Variants in CDKL4 observed in about 807,000 individuals in gnomAD.
CDKL4 encodes the protein cyclin dependent kinase like 4, also known as cyclin-dependent kinase-like 4.
CDKL4 carries 44 observed loss-of-function variants against 42.0 expected under a neutral mutation model. The ratio of observed to expected loss-of-function variants is 1.05; its 90% CI spans 0.82 to 1.35. The LOEUF (loss-of-function observed/expected upper bound fraction) is 1.35, where lower values mean the gene tolerates loss of function less well. Ranked by LOEUF, CDKL4 falls within the 40% of genes most tolerant of loss-of-function variation. The pLI, the probability that CDKL4 is intolerant of heterozygous loss-of-function variation, is 0.00. For missense variants in CDKL4, 393 were observed against 369.9 expected (o/e 1.06, Z -0.51); for synonymous variants, 120 against 121.6 (o/e 0.99, Z 0.09).
chr2:39,201,242 G>T (rs778289156), intron 5 of CDKL4, among the ~76,000 whole-genome samples: 3 of 150,462 alleles, frequency 2.0e-5, no homozygotes, highest in Non-Finnish European at 3.0e-5. Flanking sequence ...TCAGGGAAAC[G>T]CAAATCAAAA....
At chr2:39,242,044 C>CTTT (rs74579526) in intron 1 of CDKL4, among the ~76,000 whole-genome samples, 1 of 141,218 alleles carries the variant, frequency 7.1e-6, no homozygotes, top group Non-Finnish European at 1.6e-5. Flanking sequence ...TTTCTTTTTC[C>CTTT]TTTTTTTTTT....
Position 39,204,596 on chromosome 2 carries a change from GT to G in CDKL4, c.384del (p.Lys128AsnfsTer6). 2 of 1,577,750 alleles carry G rather than the reference GT, an allele frequency of 1.3e-6. No homozygotes were observed. The highest frequency in any genetic ancestry group is 1.7e-6 in the Non-Finnish European group (2 of 1,148,426). On this transcript the variant is annotated frameshift_variant, in exon 5 of 10. Coordinates refer to ENST00000451199, the Ensembl canonical transcript of CDKL4. LOFTEE classifies it high-confidence loss of function. The stretch of plus-strand genomic sequence containing the variant: ...TGCTTAGTTATTAGAATATTTTCAG[GT>G]TTTATATCTCTGTGAATACACTGTA...
At chr2:39,233,548 A>G (rs943791338) in intron 1 of CDKL4, among the ~76,000 whole-genome samples, 1 of 152,194 alleles carries the variant, frequency 6.6e-6, no homozygotes, top group African/African-American at 2.4e-5. Flanking sequence ...CATCAATGAA[A>G]GAAACTGCAT....
exon 10 of CDKL4, chr2:39,175,948 C>T (rs1015477331): frequency 2.2e-6 from 1 of 450,074 alleles, no homozygotes; most frequent in Non-Finnish European, 4.5e-6. Context: ...CTCACTTGTA[C>T]AAAATGTGTA....
chr2:39,243,524 C>A lies in CDKL4; in HGVS notation c.-57+347G>T, dbSNP rs371561987. Among the ~76,000 whole-genome samples, 13 of 152,354 alleles carry A rather than the reference C, an allele frequency of 8.5e-5. No individual in the cohort carries two copies. The South Asian group carries it at 2.7e-3, about 32-fold the overall frequency. On this transcript the variant is annotated intron_variant, in intron 1 of 9. Transcript: ENST00000451199. ...ACAGATCTGCAAGTCAAGCACAAAT[C>A]CACTTTATTTCCAGGCCTCTGGTCT... is the stretch of plus-strand genomic sequence containing the variant.
chr2:39,225,512 C>T (rs1224593329), intron 3 of CDKL4, among the ~76,000 whole-genome samples: 3 of 151,790 alleles, frequency 2.0e-5, no homozygotes, highest in Non-Finnish European at 2.9e-5. Flanking sequence ...ATCAATCGTA[C>T]ATTTTTTTAT....
At chr2:39,245,219 C>T (rs918769932), upstream of CDKL4, among the ~76,000 whole-genome samples, 6 of 152,190 alleles carry the variant, frequency 3.9e-5, no homozygotes, top group South Asian at 2.1e-4. Flanking sequence ...AGTTGTAACA[C>T]TCACCGCGAA....
At chr2:39,203,434 G>T (rs1241690700) in intron 5 of CDKL4, among the ~76,000 whole-genome samples, 1 of 151,946 alleles carries the variant, frequency 6.6e-6, no homozygotes, top group East Asian at 1.9e-4. Context: ...TATTTTGGTG[G>T]TATATAATGG....
chr2:39,175,386 T>C (rs940752753), downstream of CDKL4, among the ~76,000 whole-genome samples: 16 of 152,250 alleles, frequency 1.1e-4, no homozygotes, highest in African/African-American at 3.9e-4. Context: ...AATTTGTATG[T>C]AATTTTCTCT....
chr2:39,235,897 AT>A (rs1188725618), intron 1 of CDKL4, among the ~76,000 whole-genome samples: 8 of 152,262 alleles, frequency 5.3e-5, no homozygotes, highest in African/African-American at 1.9e-4. Context: ...AGAAAAAAAA[AT>A]ATGAGACATG....
intron 1 of CDKL4, among the ~76,000 whole-genome samples, chr2:39,236,358 A>G (rs1195650851): frequency 6.6e-6 from 1 of 152,206 alleles, no homozygotes; most frequent in Non-Finnish European, 1.5e-5. Flanking sequence ...TCCCAGAAAG[A>G]GAGGAGTAAG....
chr2:39,213,966 G>A (rs768960586), intron 3 of CDKL4, among the ~76,000 whole-genome samples: 75 of 152,100 alleles, frequency 4.9e-4, no homozygotes, highest in Admixed American at 2.1e-3. Context: ...CACCCAGGCT[G>A]GAGTGCAGTG....
intron 4 of CDKL4, among the ~76,000 whole-genome samples, chr2:39,207,798 G>T (rs554804130): frequency 2.6e-4 from 39 of 152,234 alleles, no homozygotes; most frequent in African/African-American, 9.4e-4. Flanking sequence ...AATTTAAAAG[G>T]GAGTAAAAAC....
intron 8 of CDKL4, among the ~76,000 whole-genome samples, chr2:39,182,839 A>T (rs918398881): frequency 1.3e-5 from 2 of 152,146 alleles, no homozygotes; most frequent in African/African-American, 4.8e-5. Flanking sequence ...AACACAGAAG[A>T]CCTGCCATAG....
At chr2:39,208,640 G>A (rs1356172955) in intron 4 of CDKL4, among the ~76,000 whole-genome samples, 2 of 151,554 alleles carry the variant, frequency 1.3e-5, no homozygotes, top group African/African-American at 4.8e-5. Flanking sequence ...ACCATGCTTG[G>A]CCTTGTACAC....
chr2:39,223,081 T>A (rs906787240), intron 3 of CDKL4, among the ~76,000 whole-genome samples: 5 of 152,160 alleles, frequency 3.3e-5, no homozygotes, highest in African/African-American at 1.2e-4. Context: ...TTTTCATATA[T>A]CATCCCAGGA....
intron 4 of CDKL4, among the ~76,000 whole-genome samples, chr2:39,208,078 G>A (rs894486762): frequency 6.6e-6 from 1 of 151,740 alleles, no homozygotes; most frequent in African/African-American, 2.4e-5. Context: ...CCCCAGCCTG[G>A]GCGACAGAGG....
chr2:39,173,971 C>G (rs779893500), downstream of CDKL4, among the ~76,000 whole-genome samples: 6 of 151,932 alleles, frequency 3.9e-5, no homozygotes, highest in Non-Finnish European at 7.4e-5. Flanking sequence ...GAGTCAGACC[C>G]TGTCTCAAAA....
intron 3 of CDKL4, among the ~76,000 whole-genome samples, chr2:39,214,748 T>G (rs1333524925): frequency 2.0e-5 from 3 of 152,204 alleles, no homozygotes; most frequent in Admixed American, 6.5e-5. Context: ...TATTTTGTAA[T>G]AGTTACTTGT....
Sources: allele counts gnomAD v4.1 joint callset (sites outside exome capture counted in the v4.1 genomes callset), GRCh38; gene constraint gnomAD v4.1.1; transcripts MANE v1.5; gene names NCBI Gene and HGNC (gene_info 2026-07-23, HGNC 2026-07-21).